The following KAZN variants were observed in gnomAD, a reference collection of about 807,000 sequenced individuals.
KAZN encodes kazrin.
A neutral mutation model predicts 87.4 loss-of-function variants in KAZN; 40 were observed. The ratio of observed to expected loss-of-function variants is 0.46; its 90% confidence interval spans 0.36 to 0.60. KAZN has a LOEUF of 0.60. Among genes scored for constraint, KAZN ranks in the 20% least tolerant of loss-of-function variants. The pLI is 0.00. For missense variants in KAZN, 898 were observed against 1,073.9 expected (o/e 0.84, Z 2.29); for synonymous variants, 466 against 458.3 (o/e 1.02, Z -0.22).
chr1:14,463,069 T>A (rs1241559756), intron 2 of KAZN, among the ~76,000 whole-genome samples: 5 of 152,192 alleles, frequency 3.3e-5, no homozygotes, highest in Non-Finnish European at 5.9e-5. Context: ...GCATTTATAT[T>A]CACTTAAACC....
chr1:14,561,903 C>CAA (rs35705563), intron 2 of KAZN, among the ~76,000 whole-genome samples: 23 of 143,152 alleles, frequency 1.6e-4, no homozygotes, highest in African/African-American at 3.3e-4. Context: ...AACTCCATCT[C>CAA]AAAAAAAAAA....
At chr1:14,154,100 G>A (rs1645536811) in intron 1 of KAZN, among the ~76,000 whole-genome samples, 1 of 151,834 alleles carries the variant, frequency 6.6e-6, no homozygotes, top group Admixed American at 6.6e-5. Context: ...AGTAGTGTGG[G>A]GATTTTAATA....
intron 1 of KAZN, among the ~76,000 whole-genome samples, chr1:14,732,975 T>C (rs1328828333): frequency 6.6e-6 from 1 of 152,094 alleles, no homozygotes; most frequent in East Asian, 1.9e-4. Context: ...CCTTCCCCTA[T>C]GTTCACGGAG....
At chr1:15,040,005 A>G (rs943497199) in intron 3 of KAZN, among the ~76,000 whole-genome samples, 2 of 152,226 alleles carry the variant, frequency 1.3e-5, no homozygotes, top group African/African-American at 4.8e-5. Flanking sequence ...TGAATATTAG[A>G]AGTGGAGAGA....
intron 2 of KAZN, among the ~76,000 whole-genome samples, chr1:14,453,855 C>G (rs1021950922): frequency 3.3e-5 from 5 of 151,980 alleles, no homozygotes; most frequent in African/African-American, 1.2e-4. Context: ...AAAAAATAGT[C>G]AATCTGCCAT....
At chr1:14,941,580 G>A (rs1027903849) in intron 1 of KAZN, among the ~76,000 whole-genome samples, 3 of 152,014 alleles carry the variant, frequency 2.0e-5, no homozygotes, top group East Asian at 1.9e-4. Context: ...GGGAGGTTCC[G>A]GTTTTTTTTA....
intron 1 of KAZN, among the ~76,000 whole-genome samples, chr1:14,811,710 A>G (rs2100787327): frequency 6.6e-6 from 1 of 152,332 alleles, no homozygotes; most frequent in Admixed American, 6.5e-5. Flanking sequence ...GCATCTTCAT[A>G]TTAAAGGCAT....
chr1:14,821,521 A>G (rs971566418), intron 1 of KAZN, among the ~76,000 whole-genome samples: 9 of 152,024 alleles, frequency 5.9e-5, no homozygotes, highest in Non-Finnish European at 1.2e-4. Context: ...TCTGAAAAAA[A>G]AAAAAAAGAG....
chr1:14,506,699 C>G (rs1050546074), intron 2 of KAZN, among the ~76,000 whole-genome samples: 2 of 152,178 alleles, frequency 1.3e-5, no homozygotes, highest in Non-Finnish European at 2.9e-5. Context: ...AATTTTAGCT[C>G]TCATTGTTAT....
intron 1 of KAZN, among the ~76,000 whole-genome samples, chr1:14,115,325 C>T (rs1644591913): frequency 1.3e-5 from 2 of 152,176 alleles, no homozygotes; most frequent in African/African-American, 2.4e-5. Flanking sequence ...TTGGCTGTGC[C>T]CCCACCCAAA....
At chr1:14,270,162 G>A (rs539753076) in intron 2 of KAZN, among the ~76,000 whole-genome samples, 1 of 152,292 alleles carries the variant, frequency 6.6e-6, no homozygotes, top group African/African-American at 2.4e-5. Flanking sequence ...CCAAACTATA[G>A]CAACCTTTAA....
intron 2 of KAZN, among the ~76,000 whole-genome samples, chr1:14,444,306 A>ATTTTTTTTTTTT (rs35461813): frequency 6.3e-5 from 6 of 95,232 alleles, no homozygotes; most frequent in African/African-American, 2.2e-4. Context: ...TAAATTCATG[A>ATTTTTTTTTTTT]TTTTTTTTTT....
intron 2 of KAZN, among the ~76,000 whole-genome samples, chr1:14,478,506 A>G (rs1668898002): frequency 6.6e-6 from 1 of 152,166 alleles, no homozygotes; most frequent in Non-Finnish European, 1.5e-5. Flanking sequence ...CTTCCATAGG[A>G]CAACCTATTC....
At chr1:14,942,323 A>G (rs561453626) in intron 1 of KAZN, among the ~76,000 whole-genome samples, 9 of 152,220 alleles carry the variant, frequency 5.9e-5, no homozygotes, top group African/African-American at 2.2e-4. Flanking sequence ...TTCCAGGGAT[A>G]TATATGGTTT....
At position 15,081,817 on chromosome 1, in the gene KAZN, A is replaced by G. The variant is rs1640018074; in HGVS notation, c.1223-12363A>G. ...TGCCAAGGGCAGGGGTGAGAAGCTAAGGATGAAGCTGGCAAGGTCGGCCTG... is the reference window on the plus strand; with the variant it reads ...TGCCAAGGGCAGGGGTGAGAAGCTAGGGATGAAGCTGGCAAGGTCGGCCTG... On this transcript the variant is annotated intron_variant, in intron 8 of 14. Transcript: ENST00000376030. This position sits in a 1 kb window ranked among gnomAD's most constrained non-coding sequence, Gnocchi z 4.1. Among the ~76,000 whole-genome samples, 1 of 152,140 alleles carries G rather than the reference A, an allele frequency of 6.6e-6. No homozygotes were observed. Among genetic ancestry groups the G allele is most frequent in the South Asian group, 2.1e-4 (1 of 4,828 alleles).
At chr1:15,036,025 C>T (rs988781919) in intron 3 of KAZN, among the ~76,000 whole-genome samples, 1 of 152,048 alleles carries the variant, frequency 6.6e-6, no homozygotes, top group African/African-American at 2.4e-5. Flanking sequence ...TTGGTCCCCC[C>T]TACCCACTTT....
intron 1 of KAZN, among the ~76,000 whole-genome samples, chr1:14,925,252 C>T (rs1659046829): frequency 6.6e-6 from 1 of 152,152 alleles, no homozygotes; most frequent in African/African-American, 2.4e-5. Flanking sequence ...CCCTTCCCCC[C>T]AAGTTAGGGC....
chr1:13,916,827 T>TG (rs1639869828), intron 1 of KAZN, among the ~76,000 whole-genome samples: 1 of 151,798 alleles, frequency 6.6e-6, no homozygotes, highest in African/African-American at 2.4e-5. Context: ...GTGGCCTTGC[T>TG]GGGGGAGCAG....
chr1:13,921,713 C>T (rs1243258885), intron 1 of KAZN, among the ~76,000 whole-genome samples: 2 of 152,058 alleles, frequency 1.3e-5, no homozygotes, highest in Non-Finnish European at 2.9e-5. Context: ...GCAAGCTCCG[C>T]CTCCCGGGTT....
Sources: allele counts gnomAD v4.1 joint callset (sites outside exome capture counted in the v4.1 genomes callset), GRCh38; gene constraint gnomAD v4.1.1; non-coding constraint Gnocchi (gnomAD v3.1); transcripts MANE v1.5; gene names NCBI Gene and HGNC (gene_info 2026-07-23, HGNC 2026-07-21).